Variants in CSMD3 observed in about 807,000 individuals in gnomAD.
CSMD3 encodes the protein CUB and sushi domain-containing protein 3.
Under a neutral mutation model 435.2 loss-of-function variants are expected in CSMD3, and 177 were observed. That is an observed-to-expected ratio of 0.41 (90% CI 0.36 to 0.46). The LOEUF is 0.46. Ranked by LOEUF, CSMD3 falls within the 20% of genes least tolerant of loss-of-function variation. The pLI is 0.34. For synonymous variants in CSMD3, 1,656 were observed against 1,520.5 expected (o/e 1.09, Z -2.07); for missense variants, 4,265 against 4,504.6 (o/e 0.95, Z 1.52).
At chr8:112,439,299 C>G (rs774730335) in intron 32 of CSMD3, among the ~76,000 whole-genome samples, 14 of 152,040 alleles carry the variant, frequency 9.2e-5, no homozygotes, top group Non-Finnish European at 1.6e-4. Context: ...CACCACCATG[C>G]CTGGCTAATT....
intron 2 of CSMD3, chr8:113,314,347 T>C: frequency 1.9e-6 from 1 of 522,354 alleles, no homozygotes; most frequent in Non-Finnish European, 3.4e-6. Context: ...CCACTCAATA[T>C]ATATTCACCT....
At chr8:112,586,053 A>G (rs1201952169) in intron 23 of CSMD3, among the ~76,000 whole-genome samples, 2 of 151,654 alleles carry the variant, frequency 1.3e-5, no homozygotes, top group Non-Finnish European at 3.0e-5. Flanking sequence ...ATCTAGATAC[A>G]TTGTGAGAAA....
At chr8:112,254,158 T>C in intron 63 of CSMD3, 95 bp downstream of exon 63, 1 of 878,076 alleles carries the variant, frequency 1.1e-6, no homozygotes, top group Non-Finnish European at 2.0e-6. Context: ...AGATAGAACA[T>C]GACTTTTTGT....
intron 13 of CSMD3, among the ~76,000 whole-genome samples, chr8:112,696,902 C>A (rs1387185165): frequency 6.6e-6 from 1 of 151,300 alleles, no homozygotes; most frequent in Non-Finnish European, 1.5e-5. Flanking sequence ...AACCCCATCA[C>A]AAAGTGGGCA....
At chr8:112,406,045 A>C (rs763474166) in intron 35 of CSMD3, among the ~76,000 whole-genome samples, 10 of 152,096 alleles carry the variant, frequency 6.6e-5, no homozygotes, top group Non-Finnish European at 1.2e-4. Flanking sequence ...GGATTGTCGC[A>C]ACACAATGAA....
At chr8:112,899,599 T>TTATATATATATATATATATATATATATA (rs71309794) in intron 10 of CSMD3, among the ~76,000 whole-genome samples, 2 of 100,024 alleles carry the variant, frequency 2.0e-5, no homozygotes, top group Non-Finnish European at 4.0e-5. Context: ...CTTGTCTATT[T>TTATATATATATATATATATATATATATA]TATATATATA....
chr8:113,130,805 C>T (rs1017659336), intron 4 of CSMD3, among the ~76,000 whole-genome samples: 2 of 151,982 alleles, frequency 1.3e-5, no homozygotes, highest in African/African-American at 2.4e-5. Flanking sequence ...TGGCTTTGAC[C>T]GAAATGCTGA....
chr8:112,318,378 G>C (rs552348009), intron 47 of CSMD3, among the ~76,000 whole-genome samples: 4 of 152,076 alleles, frequency 2.6e-5, no homozygotes, highest in Admixed American at 2.6e-4. Context: ...TCCACAGCGA[G>C]GGCCACTTAA....
intron 13 of CSMD3, among the ~76,000 whole-genome samples, chr8:112,726,792 G>C (rs1283512866): frequency 6.6e-6 from 1 of 151,676 alleles, no homozygotes; most frequent in Non-Finnish European, 1.5e-5. Flanking sequence ...TTTTTAAAAA[G>C]ATACGGAAAA....
chr8:113,060,880 T>C (rs2088582965), intron 5 of CSMD3, among the ~76,000 whole-genome samples: 1 of 152,186 alleles, frequency 6.6e-6, no homozygotes, highest in South Asian at 2.1e-4. Flanking sequence ...CCATCTGCTA[T>C]ATCAAGAAGA....
chr8:112,594,095 C>T (rs1029729873), intron 22 of CSMD3, among the ~76,000 whole-genome samples: 3 of 152,144 alleles, frequency 2.0e-5, no homozygotes, highest in Admixed American at 6.5e-5. Context: ...TCTGCATTTC[C>T]ATCTGAGGTA....
chr8:113,405,199 A>G (rs1291853836), intron 1 of CSMD3, among the ~76,000 whole-genome samples: 3 of 151,640 alleles, frequency 2.0e-5, no homozygotes, highest in Non-Finnish European at 4.4e-5. Context: ...AATAGTTTGC[A>G]TAATATTAAG....
intron 12 of CSMD3, among the ~76,000 whole-genome samples, chr8:112,804,772 A>T (rs1194127628): frequency 6.6e-6 from 1 of 151,438 alleles, no homozygotes; most frequent in Non-Finnish European, 1.5e-5. Context: ...TCAAGCAATT[A>T]TCCTGCCTCA....
chr8:113,386,190 C>A (rs548772847), intron 1 of CSMD3, among the ~76,000 whole-genome samples: 1 of 152,004 alleles, frequency 6.6e-6, no homozygotes, highest in Admixed American at 6.6e-5. Context: ...TTTAGCTCTT[C>A]CCTCCCTTGC....
intron 35 of CSMD3, among the ~76,000 whole-genome samples, chr8:112,398,514 C>T (rs1219014335): frequency 2.0e-5 from 3 of 152,178 alleles, no homozygotes; most frequent in Admixed American, 1.3e-4. Flanking sequence ...CAGTTCTTTG[C>T]CTGGGCAGAG....
chr8:112,814,171 G>T (rs747076109), intron 12 of CSMD3, among the ~76,000 whole-genome samples: 22 of 152,156 alleles, frequency 1.4e-4, no homozygotes, highest in Admixed American at 3.9e-4. Flanking sequence ...AAACAGGTTA[G>T]GGGACAGAGA....
rs73338204 is a variant in CSMD3 at position 113,084,933 on chromosome 8, C to T, written c.917+13823G>A. On this transcript the variant is annotated intron_variant, in intron 5 of 70. Coordinates refer to ENST00000297405, the MANE Select transcript of CSMD3 (RefSeq NM_198123.2). ...ATATGCAGAAGAATATAATTAGACC[C>T]ATATCTCTCTCTATTTAAAAAAAAG... is the stretch of plus-strand genomic sequence containing the variant. 8.3e-3 allele frequency among the ~76,000 whole-genome samples: 1,256 copies of T among 151,878 alleles called. 30 individuals are homozygous for T. Among genetic ancestry groups the T allele is most frequent in the African/African-American group, 0.029 (1,187 of 41,462 alleles).
At chr8:112,729,042 G>C (rs990800910) in intron 13 of CSMD3, among the ~76,000 whole-genome samples, 1 of 151,832 alleles carries the variant, frequency 6.6e-6, no homozygotes, top group African/African-American at 2.4e-5. Flanking sequence ...TTTTTGTTAA[G>C]CTGAATATTT....
At chr8:112,405,460 C>A (rs1008786875) in intron 35 of CSMD3, among the ~76,000 whole-genome samples, 5 of 150,822 alleles carry the variant, frequency 3.3e-5, no homozygotes, top group Non-Finnish European at 4.4e-5. Context: ...TCTATATTTT[C>A]TATGTCTATG....
Sources: gnomAD v4.1 joint callset for allele counts (sites outside exome capture counted in the v4.1 genomes callset) on GRCh38, gnomAD v4.1.1 for gene constraint, MANE v1.5 for transcripts, NCBI Gene and HGNC (gene_info 2026-07-23, HGNC 2026-07-21) for gene names.